EBPL: variants seen among roughly 807,000 people sequenced by gnomAD.
EBPL encodes the protein EBP like.
EBPL carries 20 observed loss-of-function variants against 19.0 expected under a neutral mutation model. The ratio of observed to expected loss-of-function variants is 1.05; its 90% CI spans 0.74 to 1.53. EBPL has a LOEUF of 1.53. EBPL is among the 40% of genes most tolerant of loss of function. The probability of loss-of-function intolerance (pLI) is 0.00; values close to 1 mark genes in which losing one functional copy is unlikely to be tolerated. For missense variants in EBPL, 219 were observed against 261.1 expected (o/e 0.84, Z 1.11); for synonymous variants, 107 against 117.0 (o/e 0.91, Z 0.55).
At chr13:49,686,215 C>T (rs913866262) in intron 1 of EBPL, among the ~76,000 whole-genome samples, 9 of 152,204 alleles carry the variant, frequency 5.9e-5, no homozygotes, top group African/African-American at 1.2e-4. Flanking sequence ...AGCTGCCTGC[C>T]GCGTCTGCAC....
intron 1 of EBPL, among the ~76,000 whole-genome samples, chr13:49,690,409 T>G (rs1954048572): frequency 8.2e-6 from 1 of 122,280 alleles, no homozygotes. Flanking sequence ...TTAAACAAGG[T>G]CAACTTTACA....
At chr13:49,684,883 G>A (rs1216066659) in intron 1 of EBPL, among the ~76,000 whole-genome samples, 1 of 152,038 alleles carries the variant, frequency 6.6e-6, no homozygotes, top group Non-Finnish European at 1.5e-5. Flanking sequence ...TCAAAATACC[G>A]AGTATTAGAA....
At chr13:49,673,364 T>C (rs749696765) in intron 1 of EBPL, among the ~76,000 whole-genome samples, 4 of 152,264 alleles carry the variant, frequency 2.6e-5, no homozygotes, top group Non-Finnish European at 5.9e-5. Flanking sequence ...GCAGCTTTAT[T>C]TGTGGTAACT....
At chr13:49,674,056 A>G (rs1953849529) in intron 1 of EBPL, among the ~76,000 whole-genome samples, 3 of 152,092 alleles carry the variant, frequency 2.0e-5, no homozygotes, top group Admixed American at 6.6e-5. Flanking sequence ...TATGATGGTT[A>G]TATTATACTA....
intron 3 of EBPL, among the ~76,000 whole-genome samples, chr13:49,662,247 C>A (rs545669476): frequency 1.8e-4 from 28 of 152,180 alleles, no homozygotes; most frequent in African/African-American, 6.5e-4. Flanking sequence ...CCACCTGCCT[C>A]GGCCTCCCAA....
chr13:49,661,992 T>C (rs989762773), intron 3 of EBPL: 12 of 1,404,292 alleles, frequency 8.5e-6, no homozygotes, highest in Admixed American at 2.0e-5. Flanking sequence ...GGATGGATAA[T>C]TTTTTCATCC....
rs1212707055 is a variant in EBPL at position 49,690,015 on chromosome 13, T to G, written c.171+1239A>C. ...AAACACAAAAATTAGCTGGGCGTGG[T>G]GACGGGCGCCCGTAATCCCAGCTAC... On this transcript the variant is annotated intron_variant, in intron 1 of 3. Coordinates refer to ENST00000242827, the MANE Select transcript of EBPL (RefSeq NM_032565.5). 2.0e-5 allele frequency among the ~76,000 whole-genome samples: 3 copies of G among 152,130 alleles called. No individual in the cohort carries two copies. In the East Asian group the frequency reaches 5.8e-4, roughly 29 times the overall value.
intron 1 of EBPL, among the ~76,000 whole-genome samples, chr13:49,674,089 C>T (rs577283081): frequency 3.0e-4 from 45 of 151,834 alleles, no homozygotes; most frequent in Admixed American, 6.6e-4. Flanking sequence ...ATTTTTGGTA[C>T]CAAAATTATC....
At chr13:49,667,555 G>A (rs1965246367) in intron 2 of EBPL, among the ~76,000 whole-genome samples, 1 of 152,134 alleles carries the variant, frequency 6.6e-6, no homozygotes, top group Non-Finnish European at 1.5e-5. Flanking sequence ...GGTGATCTGG[G>A]GCACTTTGGA....
chr13:49,675,683 C>A (rs1246262531), intron 1 of EBPL, among the ~76,000 whole-genome samples: 1 of 152,100 alleles, frequency 6.6e-6, no homozygotes, highest in African/African-American at 2.4e-5. Flanking sequence ...TGTTGGAGTG[C>A]CTGGTTTCAA....
intron 1 of EBPL, chr13:49,686,365 ATC>A (rs1953998019): frequency 1.7e-6 from 2 of 1,144,458 alleles, no homozygotes; most frequent in Non-Finnish European, 2.2e-6. Flanking sequence ...CAGGGCTTTC[ATC>A]TACTGCCCAG....
At chr13:49,681,987 T>C (rs1289755055) in intron 1 of EBPL, among the ~76,000 whole-genome samples, 1 of 152,224 alleles carries the variant, frequency 6.6e-6, no homozygotes, top group Non-Finnish European at 1.5e-5. Context: ...CTAATCAGAC[T>C]GGATTTTTGC....
At chr13:49,679,279 G>C (rs1022890405) in intron 1 of EBPL, among the ~76,000 whole-genome samples, 1 of 152,162 alleles carries the variant, frequency 6.6e-6, no homozygotes, top group Non-Finnish European at 1.5e-5. Flanking sequence ...AAACATGGAA[G>C]GTTATCAGCT....
chr13:49,670,029 T>G (rs1418376848), intron 1 of EBPL, among the ~76,000 whole-genome samples, 183 bp from the exon 2 acceptor site: 2 of 152,198 alleles, frequency 1.3e-5, no homozygotes, highest in Non-Finnish European at 2.9e-5. Context: ...TACCTGGACC[T>G]TGGAAATGGG....
chr13:49,675,438 T>C (rs763680289), intron 1 of EBPL, among the ~76,000 whole-genome samples: 27 of 152,276 alleles, frequency 1.8e-4, no homozygotes, highest in Non-Finnish European at 3.1e-4. Flanking sequence ...TATGCAGTGA[T>C]GACTGTATTT....
intron 2 of EBPL, among the ~76,000 whole-genome samples, chr13:49,665,011 T>A (rs968984199): frequency 6.6e-6 from 1 of 152,136 alleles, no homozygotes; most frequent in Admixed American, 6.6e-5. Context: ...TAAATATACA[T>A]ACAATAGGTG....
chr13:49,685,470 G>T (rs768771436), intron 1 of EBPL, among the ~76,000 whole-genome samples: 7 of 152,136 alleles, frequency 4.6e-5, no homozygotes, highest in Non-Finnish European at 1.0e-4. Context: ...TTAAGGAAAA[G>T]ACAAACATCC....
chr13:49,676,523 C>T (rs933695243), intron 1 of EBPL, among the ~76,000 whole-genome samples: 2 of 151,950 alleles, frequency 1.3e-5, no homozygotes, highest in African/African-American at 2.4e-5. Flanking sequence ...ACCCGGGAGG[C>T]GGAGCTTCCA....
chr13:49,686,660 T>C (rs1417481670), intron 1 of EBPL: 1 of 1,266,642 alleles, frequency 7.9e-7, no homozygotes, highest in Non-Finnish European at 1.0e-6. Context: ...CTGTTCTCTC[T>C]AGCTCAGCAA....
Sources: allele counts gnomAD v4.1 joint callset (sites outside exome capture counted in the v4.1 genomes callset), GRCh38; gene constraint gnomAD v4.1.1; transcripts MANE v1.5; gene names NCBI Gene and HGNC (gene_info 2026-07-23, HGNC 2026-07-21).